The following CUL2 variants were observed in gnomAD, a reference collection of about 807,000 sequenced individuals.
The protein encoded by CUL2 is cullin-2.
In CUL2, 22 loss-of-function variants were observed where a neutral mutation model predicts 110.2. The observed-to-expected ratio is 0.20, with a 90% CI of 0.14 to 0.28. CUL2 has a LOEUF of 0.28. Among genes scored for constraint, CUL2 ranks in the 10% least tolerant of loss-of-function variants. CUL2 has a pLI of 1.00. For missense variants in CUL2, 631 were observed against 905.5 expected, an observed-to-expected ratio of 0.70 and a Z score of 3.89; for synonymous variants, 279 against 293.2, an observed-to-expected ratio of 0.95 and a Z score of 0.49.
At chr10:35,024,542 T>A (rs191260541) in intron 17 of CUL2, among the ~76,000 whole-genome samples, 1 of 152,344 alleles carries the variant, frequency 6.6e-6, no homozygotes, top group East Asian at 1.9e-4. Flanking sequence ...TTGGCTTACA[T>A]CTTCAGGCAA....
At chr10:35,072,078 T>C (rs1413074273) in intron 1 of CUL2, among the ~76,000 whole-genome samples, 1 of 152,112 alleles carries the variant, frequency 6.6e-6, no homozygotes, top group African/African-American at 2.4e-5. Flanking sequence ...TGAGGCAGCA[T>C]GCAAGGGAAT....
At chr10:35,065,555 G>C (rs2086497163) in intron 2 of CUL2, among the ~76,000 whole-genome samples, 1 of 152,144 alleles carries the variant, frequency 6.6e-6, no homozygotes, top group Admixed American at 6.5e-5. Context: ...AGAGATGGAG[G>C]TTGCAGTGAG....
At chr10:35,023,675 G>A (rs2085258643) in intron 17 of CUL2, among the ~76,000 whole-genome samples, 1 of 151,400 alleles carries the variant, frequency 6.6e-6, no homozygotes, top group South Asian at 2.1e-4. Flanking sequence ...AACCAAGAAT[G>A]TTTAAACTCC....
In CUL2 at chr10:35,062,993, A is replaced by T. The variant is rs1237612660; in HGVS notation, c.189T>A (p.Ile63=). The T allele has an allele frequency of 6.2e-7, 1 of 1,610,742 alleles. No homozygotes were observed. The highest frequency in any genetic ancestry group is 8.5e-7 in the Non-Finnish European group (1 of 1,177,148). The stretch of plus-strand genomic sequence containing the variant: ...AATGCCGAACATGATTTTCCAAAAA[A>T]ATCTTAGTTTCTGTATAAAGTCTTT... ...LGERLYTETK[I]FLENHVRHLH... The change falls in exon 3 of 21, where the codon ATT becomes ATA. Residue 63 remains isoleucine, a synonymous_variant. Coordinates refer to ENST00000374749, the MANE Select transcript of CUL2 (RefSeq NM_003591.4).
intron 8 of CUL2, among the ~76,000 whole-genome samples, chr10:35,042,709 G>A (rs1564716200): frequency 6.6e-6 from 1 of 152,144 alleles, no homozygotes; most frequent in East Asian, 1.9e-4. Context: ...TCCTCAAGTG[G>A]TTGTTTATTT....
upstream of CUL2, among the ~76,000 whole-genome samples, chr10:35,095,471 CATATA>C (rs1055335852): frequency 2.5e-4 from 38 of 152,190 alleles, no homozygotes; most frequent in African/African-American, 8.2e-4. Flanking sequence ...CGTATCAGAA[CATATA>C]ATATATATGC....
At chr10:35,058,868 A>G (rs945484937) in intron 4 of CUL2, among the ~76,000 whole-genome samples, 5 of 152,040 alleles carry the variant, frequency 3.3e-5, no homozygotes, top group Admixed American at 3.3e-4. Context: ...AGCTCAATAA[A>G]CCTTGATTGA....
chr10:35,096,178 G>A (rs1003121072), intron 2 of CUL2, among the ~76,000 whole-genome samples: 2 of 152,076 alleles, frequency 1.3e-5, no homozygotes, highest in African/African-American at 4.8e-5. Context: ...AACCTCAGAG[G>A]CAGAGGTTTC....
At chr10:35,062,077 GA>G (rs2134928231) in intron 3 of CUL2, among the ~76,000 whole-genome samples, 1 of 152,298 alleles carries the variant, frequency 6.6e-6, no homozygotes, top group South Asian at 2.1e-4. Context: ...AAAGCAGAGT[GA>G]AGATTCTTAC....
rs2085429522 is a variant in CUL2 at position 35,029,523 on chromosome 10, C to A, written c.1504G>T (p.Asp502Tyr). The A allele has an allele frequency of 6.3e-7, 1 of 1,574,910 alleles. No homozygotes were observed. Among genetic ancestry groups the A allele is most frequent in the Non-Finnish European group, 8.6e-7 (1 of 1,163,338 alleles). Residue 502 changes from aspartate (D) to tyrosine (Y), a missense_variant, in exon 15 of 21, where the codon GAT becomes TAT. This residue lies in a region of CUL2 where 134 missense variants were observed against 260.4 expected (regional missense o/e 0.51). Coordinates refer to ENST00000374749, the MANE Select transcript of CUL2 (RefSeq NM_003591.4). The part of the protein sequence containing the change: ...NFIKNQDTVI[D>Y]LGISFQIYVL... ...TATATTTGAAAACTAATTCCCAAAT[C>A]TATTACTGTGTCTTGGTTTTTGATA...
chr10:35,103,881 T>A (rs562613982), intron 1 of CUL2, among the ~76,000 whole-genome samples: 1 of 151,924 alleles, frequency 6.6e-6, no homozygotes, highest in Admixed American at 6.5e-5. Context: ...TACAATAAAA[T>A]GTAACCTCTC....
chr10:35,051,175 C>T (rs12266808), intron 5 of CUL2, among the ~76,000 whole-genome samples: 4,525 of 151,138 alleles, frequency 0.03, 216 homozygotes, highest in African/African-American at 0.1. Flanking sequence ...ATTAGCGGGG[C>T]GTGGTGGCGG....
intron 2 of CUL2, among the ~76,000 whole-genome samples, chr10:35,096,931 T>C (rs1245716146): frequency 6.6e-6 from 1 of 151,962 alleles, no homozygotes; most frequent in Admixed American, 6.6e-5. Context: ...TGCCTCAGCT[T>C]CCCAAGTAGC....
chr10:35,120,852 T>C (rs113933281), intron 1 of CUL2, among the ~76,000 whole-genome samples: 22,766 of 151,584 alleles, frequency 0.15, 1,946 homozygotes, highest in East Asian at 0.24. Flanking sequence ...GCCAAGATCA[T>C]GCCACTGCAA....
intron 2 of CUL2, among the ~76,000 whole-genome samples, chr10:35,097,256 G>A (rs145243674): frequency 2.0e-5 from 3 of 152,124 alleles, no homozygotes; most frequent in South Asian, 2.1e-4. Flanking sequence ...AACTTCCTGC[G>A]AACCTCTTTG....
chr10:35,067,379 G>C (rs1744302868), intron 2 of CUL2, among the ~76,000 whole-genome samples: 1 of 152,150 alleles, frequency 6.6e-6, no homozygotes, highest in African/African-American at 2.4e-5. Context: ...TACTAAAAGA[G>C]AGAAAACCTT....
intron 1 of CUL2, among the ~76,000 whole-genome samples, chr10:35,112,470 T>C (rs957104226): frequency 1.3e-5 from 2 of 152,224 alleles, no homozygotes; most frequent in Non-Finnish European, 2.9e-5. Flanking sequence ...CATGGCTCTC[T>C]GGCTAAGTTG....
At chr10:35,065,501 C>A (rs1274255197) in intron 2 of CUL2, among the ~76,000 whole-genome samples, 1 of 152,150 alleles carries the variant, frequency 6.6e-6, no homozygotes, top group Non-Finnish European at 1.5e-5. Flanking sequence ...TGCCTGTAGT[C>A]CCAGCCACTC....
chr10:35,103,918 G>A (rs1446850357), intron 1 of CUL2, among the ~76,000 whole-genome samples: 1 of 151,462 alleles, frequency 6.6e-6, no homozygotes, highest in African/African-American at 2.4e-5. Flanking sequence ...GAATTGAGGG[G>A]ATCCACTTAA....
Sources: gnomAD v4.1 joint callset for allele counts (sites outside exome capture counted in the v4.1 genomes callset) on GRCh38, gnomAD v4.1.1 for gene constraint, gnomAD v4.1.1 regional missense constraint, MANE v1.5 for transcripts, NCBI Gene and HGNC (gene_info 2026-07-23, HGNC 2026-07-21) for gene names.